The following AKAP6 variants were observed in gnomAD, a reference collection of about 807,000 sequenced individuals.
AKAP6 encodes the protein A-kinase anchor protein 6.
In AKAP6, 58 loss-of-function variants were observed where a neutral mutation model predicts 188.5. The ratio of observed to expected loss-of-function variants is 0.31; its 90% CI spans 0.25 to 0.38. The LOEUF (loss-of-function observed/expected upper bound fraction) is 0.38. Among genes scored for constraint, AKAP6 ranks in the 10% least tolerant of loss-of-function variants. AKAP6 has a pLI of 1.00. For synonymous variants in AKAP6, 989 were observed against 998.6 expected (o/e 0.99, Z 0.18); for missense variants, 2,710 against 2,740.0 (o/e 0.99, Z 0.24).
At chr14:32,421,343 A>ATCTTACTTTT (rs57421779) in intron 1 of AKAP6, among the ~76,000 whole-genome samples, 1 of 151,922 alleles carries the variant, frequency 6.6e-6, no homozygotes, top group Non-Finnish European at 1.5e-5. Flanking sequence ...GTCACTAATT[A>ATCTTACTTTT]TCTCTCCTAA....
intron 7 of AKAP6, among the ~76,000 whole-genome samples, chr14:32,661,371 A>G (rs1471444285): frequency 6.6e-6 from 1 of 152,086 alleles, no homozygotes; most frequent in East Asian, 1.9e-4. Context: ...GGATATTTAA[A>G]GGGAAGGAGT....
chr14:32,480,088 G>A (rs772933388), intron 2 of AKAP6, among the ~76,000 whole-genome samples: 2 of 152,156 alleles, frequency 1.3e-5, no homozygotes, highest in African/African-American at 2.4e-5. Context: ...TTGGACCTTG[G>A]AGTTGGGGTT....
chr14:32,760,156 T>C (rs1026996576), intron 11 of AKAP6, among the ~76,000 whole-genome samples: 4 of 152,172 alleles, frequency 2.6e-5, no homozygotes, highest in African/African-American at 9.7e-5. Context: ...AACACACTTA[T>C]CCAGTTAAAG....
At chr14:32,559,737 A>G (rs142793860) in intron 4 of AKAP6, among the ~76,000 whole-genome samples, 2 of 151,102 alleles carry the variant, frequency 1.3e-5, no homozygotes, top group Admixed American at 6.6e-5. Context: ...TCTTCAAGCA[A>G]TTGTAATGTA....
intron 4 of AKAP6, among the ~76,000 whole-genome samples, chr14:32,549,871 T>A (rs1014159497): frequency 5.8e-4 from 88 of 152,324 alleles, no homozygotes; most frequent in Non-Finnish European, 9.4e-4. Flanking sequence ...GAAGGGTTAA[T>A]TGGCAATAAC....
rs186224724 is a variant in AKAP6 at position 32,519,448 on chromosome 14, C to G, written c.325-16106C>G. 2.0e-5 allele frequency among the ~76,000 whole-genome samples: 3 copies of G among 152,038 alleles called. No individual in the cohort carries two copies. In the East Asian group the frequency reaches 5.8e-4, roughly 29 times the overall value. ...CATCAGTGTGCTGTATTCAGGAGAC[C>G]CATCTCACATGCAGAGACACACAAA... On this transcript the variant is annotated intron_variant, in intron 2 of 13. Transcript: ENST00000280979.
intron 12 of AKAP6, among the ~76,000 whole-genome samples, chr14:32,810,839 A>G (rs2034205587): frequency 6.6e-6 from 1 of 152,208 alleles, no homozygotes; most frequent in Non-Finnish European, 1.5e-5. Context: ...CATCTTAAGA[A>G]AATGACTCAT....
chr14:32,441,660 CAGA>C (rs142725230), intron 2 of AKAP6, among the ~76,000 whole-genome samples: 16,430 of 152,082 alleles, frequency 0.11, 1,803 homozygotes, highest in African/African-American at 0.27. Context: ...CACATTATCG[CAGA>C]AGATCTTTGG....
intron 1 of AKAP6, among the ~76,000 whole-genome samples, chr14:32,336,613 T>C (rs1240868317): frequency 6.6e-6 from 1 of 152,226 alleles, no homozygotes; most frequent in Non-Finnish European, 1.5e-5. Flanking sequence ...CTTCCTTTTT[T>C]CTGAACATAC....
intron 12 of AKAP6, among the ~76,000 whole-genome samples, chr14:32,803,768 C>G (rs1566723486): frequency 6.6e-6 from 1 of 152,202 alleles, no homozygotes; most frequent in Non-Finnish European, 1.5e-5. Flanking sequence ...CACATACATA[C>G]AGCTCCACAG....
At chr14:32,411,612 C>G (rs904050894) in intron 1 of AKAP6, among the ~76,000 whole-genome samples, 2 of 152,078 alleles carry the variant, frequency 1.3e-5, no homozygotes, top group African/African-American at 4.8e-5. Flanking sequence ...ACCCTTCTTC[C>G]AGGGGAACAA....
At chr14:32,738,256 A>G (rs972722537) in intron 11 of AKAP6, among the ~76,000 whole-genome samples, 3 of 152,122 alleles carry the variant, frequency 2.0e-5, no homozygotes, top group African/African-American at 7.2e-5. Flanking sequence ...AGAAAAGAAA[A>G]TAATTACTTA....
At chr14:32,630,520 G>A (rs1417631115) in intron 7 of AKAP6, among the ~76,000 whole-genome samples, 1 of 151,886 alleles carries the variant, frequency 6.6e-6, no homozygotes, top group Admixed American at 6.6e-5. Context: ...TAGTTCAGGG[G>A]AAAAAAGGAG....
intron 2 of AKAP6, among the ~76,000 whole-genome samples, chr14:32,486,093 G>A (rs1594666396): frequency 6.6e-6 from 1 of 152,276 alleles, no homozygotes; most frequent in East Asian, 1.9e-4. Flanking sequence ...TCCATTGCTT[G>A]TTTGTGTCAG....
At chr14:32,339,330 C>G (rs1354077045) in intron 1 of AKAP6, among the ~76,000 whole-genome samples, 1 of 152,098 alleles carries the variant, frequency 6.6e-6, no homozygotes, top group Non-Finnish European at 1.5e-5. Context: ...TATAAACACC[C>G]TTGAGTTATT....
At chr14:32,705,953 T>C (rs917787973) in intron 9 of AKAP6, among the ~76,000 whole-genome samples, 12 of 152,092 alleles carry the variant, frequency 7.9e-5, no homozygotes, top group African/African-American at 2.9e-4. Flanking sequence ...TCAGTTCCAC[T>C]CAAAATTTTT....
At chr14:32,417,643 G>A (rs1889702968) in intron 1 of AKAP6, among the ~76,000 whole-genome samples, 1 of 152,134 alleles carries the variant, frequency 6.6e-6, no homozygotes, top group Admixed American at 6.6e-5. Context: ...CTGCTTAACT[G>A]TAGTGTAAAA....
intron 2 of AKAP6, among the ~76,000 whole-genome samples, chr14:32,477,373 T>C (rs1476733711): frequency 6.6e-6 from 1 of 152,126 alleles, no homozygotes; most frequent in African/African-American, 2.4e-5. Context: ...AGATCTTCCT[T>C]TATTTCCATG....
intron 1 of AKAP6, among the ~76,000 whole-genome samples, chr14:32,352,264 TTG>T (rs1887312602): frequency 1.3e-5 from 2 of 151,878 alleles, no homozygotes; most frequent in Admixed American, 6.6e-5. Flanking sequence ...CTTTTTTTTT[TTG>T]GTTTTATTTT....
Sources: gnomAD v4.1 joint callset for allele counts (sites outside exome capture counted in the v4.1 genomes callset) on GRCh38, gnomAD v4.1.1 for gene constraint, MANE v1.5 for transcripts, NCBI Gene and HGNC (gene_info 2026-07-23, HGNC 2026-07-21) for gene names.